KMT2C: variants seen among roughly 807,000 people sequenced by gnomAD.
The protein encoded by KMT2C is lysine methyltransferase 2C.
A neutral mutation model predicts 507.9 loss-of-function variants in KMT2C; 88 were observed. That is an observed-to-expected ratio of 0.17 (90% confidence interval 0.15 to 0.21). KMT2C has a LOEUF of 0.21. Among genes scored for constraint, KMT2C ranks in the 10% least tolerant of loss-of-function variants. The probability of loss-of-function intolerance (pLI) is 1.00; values close to 1 mark genes in which losing one functional copy is unlikely to be tolerated. For synonymous variants in KMT2C, 2,049 were observed against 2,080.8 expected (o/e 0.98, Z 0.42); for missense variants, 4,954 against 5,957.8 (o/e 0.83, Z 5.55).
intron 46 of KMT2C, among the ~76,000 whole-genome samples, chr7:152,155,649 A>C (rs1234441914): frequency 6.6e-6 from 1 of 152,210 alleles, no homozygotes; most frequent in Admixed American, 6.5e-5. Context: ...TAGATTATTT[A>C]ATTAGATTAA....
rs898495777 is a variant in KMT2C at position 152,299,772 on chromosome 7, T to C, written c.849+10194A>G. Among the ~76,000 whole-genome samples, 3 of 151,848 alleles carry C rather than the reference T, an allele frequency of 2.0e-5. No individual in the cohort carries two copies. The East Asian group carries it at 5.9e-4, about 30-fold the overall frequency. On this transcript the variant is annotated intron_variant, in intron 6 of 58. Coordinates refer to ENST00000262189, the MANE Select transcript of KMT2C (RefSeq NM_170606.3). Reference sequence around the variant, plus strand: ...ACCCCCAATTAAAAAGCAGAGGTTTTAGACCATATACATTTAATGTGATTG... The same window carrying C: ...ACCCCCAATTAAAAAGCAGAGGTTTCAGACCATATACATTTAATGTGATTG...
intron 1 of KMT2C, among the ~76,000 whole-genome samples, chr7:152,378,058 C>T (rs1488705771): frequency 6.6e-6 from 1 of 152,176 alleles, no homozygotes; most frequent in Non-Finnish European, 1.5e-5. Flanking sequence ...TTGTTCCTTA[C>T]AGATGAGCCA....
chr7:152,337,918 G>A (rs1257134985), intron 2 of KMT2C, among the ~76,000 whole-genome samples: 5 of 151,202 alleles, frequency 3.3e-5, no homozygotes, highest in Admixed American at 1.3e-4. Flanking sequence ...GTGCAGTGGC[G>A]CGATCTCAGC....
intron 1 of KMT2C, among the ~76,000 whole-genome samples, chr7:152,423,629 A>C (rs2097792465): frequency 6.6e-6 from 1 of 152,190 alleles, no homozygotes; most frequent in African/African-American, 2.4e-5. Context: ...GTGTAGAGGG[A>C]CAATACCAGC....
chr7:152,258,853 G>A (rs2095707777), intron 9 of KMT2C, among the ~76,000 whole-genome samples: 1 of 152,112 alleles, frequency 6.6e-6, no homozygotes. Context: ...AAATCTAGAA[G>A]GAAATTCTGA....
intron 2 of KMT2C, among the ~76,000 whole-genome samples, chr7:152,348,613 A>AG (rs2097083103): frequency 6.7e-6 from 1 of 149,530 alleles, no homozygotes; most frequent in African/African-American, 2.4e-5. Flanking sequence ...AAAAAAAAAA[A>AG]AAAAAAAAAA....
chr7:152,422,332 G>A (rs2097782231), intron 1 of KMT2C, among the ~76,000 whole-genome samples: 1 of 151,414 alleles, frequency 6.6e-6, no homozygotes, highest in African/African-American at 2.4e-5. Context: ...GCAGATGCCT[G>A]TAATCACAGC....
intron 14 of KMT2C, among the ~76,000 whole-genome samples, chr7:152,244,138 G>A (rs1179131602): frequency 6.6e-6 from 1 of 152,094 alleles, no homozygotes; most frequent in African/African-American, 2.4e-5. Flanking sequence ...CATTTTTAAA[G>A]AGCATTCCTT....
chr7:152,435,518 C>T lies in KMT2C; in HGVS notation c.161+108G>A, dbSNP rs2097909858. ...GCCCGCGGGCCCGCCCCGCCCCCAC[C>T]CCGCCGGGGGGCGCCGGGGCGCGGA... is the stretch of plus-strand genomic sequence containing the variant. On this transcript the variant is annotated intron_variant, in intron 1 of 58. Coordinates refer to ENST00000262189, the MANE Select transcript of KMT2C (RefSeq NM_170606.3). 8 of 522,008 alleles carry T rather than the reference C, an allele frequency of 1.5e-5. No individual in the cohort carries two copies. The South Asian group carries it at 6.5e-4, about 43-fold the overall frequency. The allele number at this position is 522,008 out of a possible 1,614,324, so 32.3% of individuals were successfully genotyped here.
chr7:152,339,222 TTA>T (rs2129218270), intron 2 of KMT2C, among the ~76,000 whole-genome samples: 2 of 152,352 alleles, frequency 1.3e-5, no homozygotes, highest in East Asian at 3.9e-4. Flanking sequence ...TTATAGGATT[TTA>T]GAGGGAGAAA....
At chr7:152,266,834 C>T (rs367844658) in intron 7 of KMT2C, among the ~76,000 whole-genome samples, 148 of 136,714 alleles carry the variant, frequency 1.1e-3, no homozygotes, top group Middle Eastern at 4.0e-3. Flanking sequence ...AAAATGTGGA[C>T]GCTGGCTGGA....
At chr7:152,204,885 C>T (rs1011159818) in intron 25 of KMT2C, among the ~76,000 whole-genome samples, 2 of 151,660 alleles carry the variant, frequency 1.3e-5, no homozygotes, top group African/African-American at 4.8e-5. Context: ...GGATTTAAAC[C>T]ATTTCCTTAT....
chr7:152,143,370 GACAA>G (rs2090788187), intron 55 of KMT2C, among the ~76,000 whole-genome samples: 1 of 152,208 alleles, frequency 6.6e-6, no homozygotes, highest in South Asian at 2.1e-4. Flanking sequence ...AGAACAGAGA[GACAA>G]GGAAACAAAG....
At chr7:152,378,077 G>A (rs2097342921) in intron 1 of KMT2C, among the ~76,000 whole-genome samples, 2 of 152,160 alleles carry the variant, frequency 1.3e-5, no homozygotes, top group East Asian at 3.8e-4. Context: ...CAAGAAAGTG[G>A]TTTCTTAAAG....
At chr7:152,203,492 C>T (rs2094206042) in intron 25 of KMT2C, among the ~76,000 whole-genome samples, 1 of 151,982 alleles carries the variant, frequency 6.6e-6, no homozygotes, top group Admixed American at 6.6e-5. Context: ...TCCTTTAATA[C>T]AGCAATTCCA....
At chr7:152,356,897 G>GAATAATAATAATAATAAT (rs55935930) in intron 2 of KMT2C, among the ~76,000 whole-genome samples, 2 of 138,338 alleles carry the variant, frequency 1.4e-5, no homozygotes, top group East Asian at 2.1e-4. Context: ...AACTCAAAAA[G>GAATAATAATAATAATAAT]AATAATAATA....
Position 152,154,014 on chromosome 7 carries a change from G to A in KMT2C, c.12272C>T (p.Ala4091Val). ...AGAAGTCATTTAATCTTTTACCTCA[G>A]CAGCTGTAGGATGCAGAGTAATTGC... Reference protein sequence around the residue: ...SVAITLHPTAAENISSVVAAF... With the variant: ...SVAITLHPTAVENISSVVAAF... Residue 4091 changes from alanine to valine, a missense_variant, in exon 48 of 59, where the codon GCT becomes GTT. By Grantham distance (64) the Ala-to-Val change is moderately conservative (BLOSUM62 0). Around this residue, in one of 29 missense-constraint regions of KMT2C, gnomAD observed 417 missense variants for 461.1 expected, o/e 0.90. Transcript: ENST00000262189. The A allele has an allele frequency of 6.2e-7, 1 of 1,613,296 alleles. No individual in the cohort carries two copies.
rs767213169 is a variant in KMT2C, at chr7:152,180,936, A to C, written c.6924T>G (p.Ser2308=). ...GACTTGTTCCAAAAGAGTCAGACTG[A>C]GATCTTGGAGTCATTGGAGACTGAT... is the stretch of plus-strand genomic sequence containing the variant. The part of the protein sequence containing the change: ...PYDQSPMTPR[S]QSDSFGTSQT... The change falls in exon 36 of 59, where the codon TCT becomes TCG. Residue 2308 remains serine, a synonymous_variant. Transcript: ENST00000262189. 1 of 1,614,174 alleles carries C rather than the reference A, an allele frequency of 6.2e-7. No homozygotes were observed. The highest frequency in any genetic ancestry group is 8.5e-7 in the Non-Finnish European group (1 of 1,180,032).
chr7:152,318,701 C>A (rs1213638288), intron 3 of KMT2C, among the ~76,000 whole-genome samples: 5 of 142,186 alleles, frequency 3.5e-5, no homozygotes, highest in African/African-American at 1.3e-4. Flanking sequence ...AAAACAAGGA[C>A]AAAAATGTTG....
Sources: allele counts gnomAD v4.1 joint callset (sites outside exome capture counted in the v4.1 genomes callset), GRCh38; gene constraint gnomAD v4.1.1; regional missense constraint gnomAD v4.1.1; transcripts MANE v1.5; gene names NCBI Gene and HGNC (gene_info 2026-07-23, HGNC 2026-07-21).